The following ZKSCAN5 variants were observed in gnomAD, a reference collection of about 807,000 sequenced individuals.
ZKSCAN5 encodes zinc finger with KRAB and SCAN domains 5, also known as zinc finger protein with KRAB and SCAN domains 5.
In ZKSCAN5, 28 loss-of-function variants were observed where a neutral mutation model predicts 60.0. The ratio of observed to expected loss-of-function variants is 0.47; its 90% confidence interval spans 0.35 to 0.64. The LOEUF is 0.64. ZKSCAN5 is among the 30% of genes least tolerant of loss of function. ZKSCAN5 has a pLI of 0.01. For synonymous variants in ZKSCAN5, 361 were observed against 371.2 expected, an observed-to-expected ratio of 0.97 and a Z score of 0.31; for missense variants, 881 against 1,034.6, an observed-to-expected ratio of 0.85 and a Z score of 2.04.
At chr7:99,513,981 G>T (rs1264269874) in intron 3 of ZKSCAN5, among the ~76,000 whole-genome samples, 1 of 152,144 alleles carries the variant, frequency 6.6e-6, no homozygotes, top group African/African-American at 2.4e-5. Context: ...GGAGGCAAAG[G>T]TTGCAGTGAG....
chr7:99,532,207 A>C lies in ZKSCAN5; in HGVS notation c.2478A>C (p.Thr826=). 2 of 1,608,168 alleles carry C rather than the reference A, an allele frequency of 1.2e-6. No homozygotes were observed. Among genetic ancestry groups the C allele is most frequent in the Non-Finnish European group, 8.5e-7 (1 of 1,178,216 alleles). The change falls in exon 7 of 7, where the codon ACA becomes ACC. Residue 826 remains threonine (T), a synonymous_variant. Coordinates refer to ENST00000326775, the MANE Select transcript of ZKSCAN5 (RefSeq NM_145102.4). ...LFKHLRSHER[T]DPINTLSVEG... ...AACACCTGAGAAGCCATGAGAGGAC[A>C]GATCCCATAAATACCTTAAGTGTAG...
At chr7:99,523,305 G>A (rs1801627457) in intron 5 of ZKSCAN5, among the ~76,000 whole-genome samples, 1 of 151,986 alleles carries the variant, frequency 6.6e-6, no homozygotes, top group South Asian at 2.1e-4. Context: ...TGTCTCCACT[G>A]AGAGACAAGG....
In ZKSCAN5 at chr7:99,506,053, G is replaced by T. The variant is rs1267879531; in HGVS notation, c.9G>T (p.Met3Ile). 2.5e-6 allele frequency: 4 copies of T among 1,613,100 alleles called. No individual in the cohort carries two copies. The South Asian group carries it at 3.3e-5, about 13-fold the overall frequency. The change falls in exon 2 of 7, where the codon ATG (methionine) becomes ATT (isoleucine). Residue 3 changes from methionine to isoleucine, a missense_variant. Coordinates refer to ENST00000326775, the MANE Select transcript of ZKSCAN5 (RefSeq NM_145102.4). MI[M>I]TESREVIDLD... ...CTTCCCTCTGAGTTGGAATGATAATGACCGAATCCCGAGAAGTTATAGACT... is the reference window on the plus strand; with the variant it reads ...CTTCCCTCTGAGTTGGAATGATAATTACCGAATCCCGAGAAGTTATAGACT...
In ZKSCAN5 at chr7:99,528,119, CTTTTTTTTTTT is replaced by C. The variant is rs869150553; in HGVS notation, c.1378+1711_1378+1721del. ...TTCTAAGACCAGCCAAAATGTTTTTCTTTTTTTTTTTTTTTTTTTTAATTCTGCCTTTGATG... is the reference window on the plus strand; with the variant it reads ...TTCTAAGACCAGCCAAAATGTTTTTCTTTTTTTTTAATTCTGCCTTTGATG... On this transcript the variant is annotated intron_variant, in intron 6 of 6. Transcript: ENST00000326775. Among the ~76,000 whole-genome samples, 4 of 121,252 alleles carry C rather than the reference CTTTTTTTTTTT, an allele frequency of 3.3e-5. No homozygotes were observed. The South Asian group carries it at 1.1e-3, about 32-fold the overall frequency. 79.5% of individuals were successfully genotyped at this position (121,252 alleles called of 152,430 possible).
intron 2 of ZKSCAN5, among the ~76,000 whole-genome samples, chr7:99,507,115 A>G (rs1000561038): frequency 6.6e-6 from 1 of 152,186 alleles, no homozygotes; most frequent in Admixed American, 6.6e-5. Flanking sequence ...TCACCTGTGT[A>G]TTCTTACAGA....
intron 3 of ZKSCAN5, among the ~76,000 whole-genome samples, chr7:99,516,634 C>T (rs1801277009): frequency 6.6e-6 from 1 of 152,038 alleles, no homozygotes; most frequent in African/African-American, 2.4e-5. Flanking sequence ...ATGCTGTGGA[C>T]CTTAGACAAA....
In ZKSCAN5 at chr7:99,531,222, A is replaced by C; in HGVS notation, c.1493A>C (p.Gln498Pro). 2 of 1,614,182 alleles carry C rather than the reference A, an allele frequency of 1.2e-6. No individual in the cohort carries two copies. The highest frequency in any genetic ancestry group is 1.7e-6 in the Non-Finnish European group (2 of 1,180,026). The change falls in exon 7 of 7, where the codon CAA becomes CCA. Residue 498 changes from glutamine (Q) to proline (P), a missense_variant. Physicochemically the swap from Gln to Pro is moderately conservative, Grantham distance 76. Coordinates refer to ENST00000326775, the MANE Select transcript of ZKSCAN5 (RefSeq NM_145102.4). ...GKTQRNVSQV[Q>P]DFGEGCEFQG... ...ACCCAAAGAAATGTTTCTCAAGTTC[A>C]AGATTTTGGAGAAGGCTGTGAGTTT... is the stretch of plus-strand genomic sequence containing the variant.
chr7:99,506,913 G>A (rs1300791850), intron 2 of ZKSCAN5, among the ~76,000 whole-genome samples: 6 of 150,328 alleles, frequency 4.0e-5, no homozygotes, highest in Admixed American at 2.0e-4. Context: ...AGCCAGGATG[G>A]TCTCGATCTC....
chr7:99,526,078 C>T lies in ZKSCAN5; in HGVS notation c.1038C>T (p.His346=). 1 of 1,614,188 alleles carries T rather than the reference C, an allele frequency of 6.2e-7. No individual in the cohort carries two copies. Among genetic ancestry groups the T allele is most frequent in the Non-Finnish European group, 8.5e-7 (1 of 1,180,040 alleles). Residue 346 remains histidine (H), a synonymous_variant, in exon 6 of 7, where the codon CAC becomes CAT. Coordinates refer to ENST00000326775, the MANE Select transcript of ZKSCAN5 (RefSeq NM_145102.4). ...AAAGCACACATGGCGAGAGAGGGCA[C>T]AGATGCAGCGATTGTGGCAAATTCT... ...PKQSTHGERG[H]RCSDCGKFFL...
chr7:99,524,794 T>C (rs192868547), intron 5 of ZKSCAN5, among the ~76,000 whole-genome samples: 154 of 152,274 alleles, frequency 1.0e-3, no homozygotes, highest in African/African-American at 3.4e-3. Flanking sequence ...CACCTTTCTT[T>C]TCTAGGCTAT....
At chr7:99,511,247 T>A (rs1194595563) in intron 2 of ZKSCAN5, among the ~76,000 whole-genome samples, 1 of 152,180 alleles carries the variant, frequency 6.6e-6, no homozygotes, top group Non-Finnish European at 1.5e-5. Context: ...TATCTAGGGC[T>A]GAGCAAGAAC....
intron 3 of ZKSCAN5, among the ~76,000 whole-genome samples, chr7:99,516,010 C>T (rs1801251621): frequency 6.6e-6 from 1 of 151,104 alleles, no homozygotes; most frequent in African/African-American, 2.4e-5. Context: ...TTTTTTGAGA[C>T]AGGGTCTCAC....
In ZKSCAN5 at chr7:99,526,323, G is replaced by A. The variant is rs370616842; in HGVS notation, c.1283G>A (p.Arg428Lys). 6.5e-5 allele frequency: 105 copies of A among 1,610,408 alleles called. No homozygotes were observed. The highest frequency in any genetic ancestry group is 8.2e-5 in the Non-Finnish European group (97 of 1,180,024). ...VQHHSVHSGERPYGCNECGKN... is the reference protein window; with the variant it reads ...VQHHSVHSGEKPYGCNECGKN... ...CACCACAGTGTCCACAGCGGAGAGA[G>A]GCCCTATGGCTGCAATGAGTGTGGG... is the stretch of plus-strand genomic sequence containing the variant. Residue 428 changes from arginine (R) to lysine (K), a missense_variant, in exon 6 of 7, where the codon AGG becomes AAG. Arg to Lys is a conservative substitution (Grantham distance 26). Coordinates refer to ENST00000326775, the MANE Select transcript of ZKSCAN5 (RefSeq NM_145102.4).
chr7:99,533,828 T>C lies in ZKSCAN5; in HGVS notation c.*1579T>C, dbSNP rs150715183. 8.0e-4 allele frequency: 313 copies of C among 391,198 alleles called. 2 individuals carry two copies. In the East Asian group the frequency reaches 0.011, roughly 14 times the overall value. The allele number at this position is 391,198 out of a possible 1,614,324, so 24.2% of individuals were successfully genotyped here. On this transcript the variant is annotated 3_prime_UTR_variant, in exon 7 of 7. Coordinates refer to ENST00000326775, the MANE Select transcript of ZKSCAN5 (RefSeq NM_145102.4). ...ATAAATCACACTGTCAATCACATGGTTCTGAATCCCTGTCTCAGGCTCTGC... is the reference window on the plus strand; with the variant it reads ...ATAAATCACACTGTCAATCACATGGCTCTGAATCCCTGTCTCAGGCTCTGC...
At chr7:99,507,585 A>ATGTGTATATTTATG (rs1800827256) in intron 2 of ZKSCAN5, among the ~76,000 whole-genome samples, 2 of 148,586 alleles carry the variant, frequency 1.3e-5, no homozygotes, top group East Asian at 2.0e-4. Context: ...GTGTATATTT[A>ATGTGTATATTTATG]TGTGTGTGTG....
chr7:99,529,474 G>C (rs190065608), intron 6 of ZKSCAN5, among the ~76,000 whole-genome samples: 1 of 152,090 alleles, frequency 6.6e-6, no homozygotes, highest in East Asian at 1.9e-4. Context: ...ATTGCTCAAC[G>C]GGCACTTAGA....
At chr7:99,525,791 A>T (rs753008548) in intron 5 of ZKSCAN5, 22 bp from the exon 6 acceptor site, 3 of 1,568,688 alleles carry the variant, frequency 1.9e-6, no homozygotes, top group Admixed American at 3.9e-5. Flanking sequence ...CTCATTTTTT[A>T]ATTCTCCCTC....
At chr7:99,519,939 G>A in intron 4 of ZKSCAN5, 30 bp downstream of exon 4, 1 of 1,610,470 alleles carries the variant, frequency 6.2e-7, no homozygotes. Context: ...CCCTCAGAGA[G>A]GACCCATCCT....
chr7:99,520,076 C>G (rs1801458569), intron 4 of ZKSCAN5, 93 bp from the exon 5 acceptor site: 14 of 1,542,576 alleles, frequency 9.1e-6, no homozygotes, highest in Non-Finnish European at 1.2e-5. Flanking sequence ...CACAGTTCCT[C>G]CCCCTGTTTC....
Sources: allele counts gnomAD v4.1 joint callset (sites outside exome capture counted in the v4.1 genomes callset), GRCh38; gene constraint gnomAD v4.1.1; transcripts MANE v1.5; gene names NCBI Gene and HGNC (gene_info 2026-07-23, HGNC 2026-07-21).